Variants in ABTB2 observed in about 807,000 individuals in gnomAD.
The protein encoded by ABTB2 is ankyrin repeat and BTB/POZ domain-containing protein 2.
ABTB2 carries 56 observed loss-of-function variants against 104.1 expected under a neutral mutation model. The observed-to-expected ratio is 0.54, with a 90% CI of 0.43 to 0.67. The LOEUF is 0.67. ABTB2 is among the 30% of genes least tolerant of loss of function. The probability of loss-of-function intolerance (pLI) is 0.00; values close to 1 mark genes in which losing one functional copy is unlikely to be tolerated. For missense variants in ABTB2, 1,279 were observed against 1,407.7 expected, an observed-to-expected ratio of 0.91 and a Z score of 1.46; for synonymous variants, 606 against 608.2, an observed-to-expected ratio of 1.00 and a Z score of 0.05.
chr11:34,314,820 A>T (rs1011470698), intron 1 of ABTB2, among the ~76,000 whole-genome samples: 1 of 152,210 alleles, frequency 6.6e-6, no homozygotes, highest in Non-Finnish European at 1.5e-5. Flanking sequence ...CATTAAGCCA[A>T]GTGTGGAGCC....
chr11:34,183,126 G>A (rs1352560085), intron 3 of ABTB2, among the ~76,000 whole-genome samples: 5 of 152,058 alleles, frequency 3.3e-5, no homozygotes, highest in Non-Finnish European at 7.4e-5. Flanking sequence ...TTGAGTCAGG[G>A]TCTTGCTCTG....
chr11:34,247,215 T>C (rs1258727382), intron 1 of ABTB2, among the ~76,000 whole-genome samples: 1 of 152,208 alleles, frequency 6.6e-6, no homozygotes, highest in Non-Finnish European at 1.5e-5. Flanking sequence ...TGTTGGCTGG[T>C]GGAGCCACCG....
Position 34,154,457 on chromosome 11 carries a change from A to AGTGCCGT in ABTB2, c.2767-86_2767-80dup, listed in dbSNP as rs1852592437. Reference sequence around the variant, plus strand: ...GACAGCACCGAACAGAAAGCTCCCGAGTGCCGTGTGCCCTGCTGCCTCCAC... The same window carrying AGTGCCGT: ...GACAGCACCGAACAGAAAGCTCCCGAGTGCCGTGTGCCGTGTGCCCTGCTGCCTCCAC... On this transcript the variant is annotated intron_variant, in intron 15 of 16. Coordinates refer to ENST00000435224, the MANE Select transcript of ABTB2 (RefSeq NM_145804.3). This position sits in a 1 kb window ranked among gnomAD's most constrained non-coding sequence, Gnocchi z 4.9. 2.8e-6 allele frequency: 3 copies of AGTGCCGT among 1,090,032 alleles called. No individual in the cohort carries two copies. Among genetic ancestry groups the AGTGCCGT allele is most frequent in the Non-Finnish European group, 4.1e-6 (3 of 736,506 alleles). 67.5% of individuals were successfully genotyped at this position (1,090,032 alleles called of 1,614,324 possible). A position where few individuals can be genotyped will look rare whatever the true frequency, so the allele number is the denominator to read the frequency against.
At chr11:34,203,387 A>G (rs987631807) in intron 2 of ABTB2, among the ~76,000 whole-genome samples, 1 of 152,200 alleles carries the variant, frequency 6.6e-6, no homozygotes, top group Non-Finnish European at 1.5e-5. Flanking sequence ...TCTCCAGTGG[A>G]CCAGGGGCTG....
intron 3 of ABTB2, among the ~76,000 whole-genome samples, chr11:34,178,160 T>G (rs1005115885): frequency 2.0e-5 from 3 of 149,524 alleles, no homozygotes; most frequent in Non-Finnish European, 4.4e-5. Context: ...CCTCTTTCAA[T>G]ATACAGAAAT....
intron 1 of ABTB2, among the ~76,000 whole-genome samples, chr11:34,310,108 G>A (rs1343125106): frequency 2.0e-5 from 3 of 152,160 alleles, no homozygotes; most frequent in Non-Finnish European, 4.4e-5. Context: ...AGCACAGTAT[G>A]TATGTCTCCT....
chr11:34,162,415 A>AG (rs1321260984), intron 10 of ABTB2, among the ~76,000 whole-genome samples, 161 bp downstream of exon 10: 2 of 152,070 alleles, frequency 1.3e-5, no homozygotes, highest in Admixed American at 6.5e-5. Flanking sequence ...GCCGTGTAGC[A>AG]GGGGGGTCCC....
chr11:34,185,498 G>A (rs78284918), intron 3 of ABTB2, among the ~76,000 whole-genome samples: 202 of 152,310 alleles, frequency 1.3e-3, no homozygotes, highest in African/African-American at 4.6e-3. Flanking sequence ...GTGTGAGGTT[G>A]CATATGTTAC....
At chr11:34,263,851 C>T (rs1004738762) in intron 1 of ABTB2, among the ~76,000 whole-genome samples, 2 of 152,162 alleles carry the variant, frequency 1.3e-5, no homozygotes, top group African/African-American at 4.8e-5. Flanking sequence ...CAGGCCCGAC[C>T]CCAGTCCCCC....
chr11:34,172,135 G>A (rs753676128), intron 4 of ABTB2, among the ~76,000 whole-genome samples: 1 of 151,962 alleles, frequency 6.6e-6, no homozygotes, highest in African/African-American at 2.4e-5. Flanking sequence ...CACTTTGGGA[G>A]GCCAAGGTGG....
At chr11:34,204,494 A>G (rs2955944) in intron 2 of ABTB2, 50 bp downstream of exon 2, 1,499,383 of 1,511,554 alleles carry the variant, frequency 0.99, 744,433 homozygotes, top group East Asian at 1. Flanking sequence ...CCCAGCCCTG[A>G]GACCTCGCCG....
chr11:34,198,594 G>A (rs1047383171), intron 2 of ABTB2, among the ~76,000 whole-genome samples: 1 of 152,178 alleles, frequency 6.6e-6, no homozygotes, highest in Admixed American at 6.5e-5. Flanking sequence ...TGGTAGTCTA[G>A]ACTTGAATTC....
At chr11:34,156,307 C>T (rs574608905) in intron 14 of ABTB2, among the ~76,000 whole-genome samples, 94 of 152,318 alleles carry the variant, frequency 6.2e-4, no homozygotes, top group African/African-American at 2.2e-3. Flanking sequence ...GAATTTTGCA[C>T]AGCCTGGCAG....
intron 1 of ABTB2, among the ~76,000 whole-genome samples, chr11:34,327,144 C>T (rs1354393339): frequency 6.6e-6 from 1 of 152,130 alleles, no homozygotes; most frequent in African/African-American, 2.4e-5. Context: ...AACAACAAAA[C>T]ATGACTATTT....
Position 34,310,782 on chromosome 11 carries a change from T to C in ABTB2, c.883+45919A>G, listed in dbSNP as rs116364004. On this transcript the variant is annotated intron_variant, in intron 1 of 16. Coordinates refer to ENST00000435224, the MANE Select transcript of ABTB2 (RefSeq NM_145804.3). ...GGTGGACTGCATGGAGGTTATGCTCTTTAATGTGCGTCTCCTTCATTAATC... is the reference window on the plus strand; with the variant it reads ...GGTGGACTGCATGGAGGTTATGCTCCTTAATGTGCGTCTCCTTCATTAATC... Among the ~76,000 whole-genome samples the C allele has an allele frequency of 5.6e-3, 860 of 152,292 alleles. 10 individuals carry two copies. The highest frequency in any genetic ancestry group is 0.02 in the African/African-American group (827 of 41,566).
At chr11:34,231,678 C>T (rs11032568) in intron 1 of ABTB2, among the ~76,000 whole-genome samples, 41,386 of 152,086 alleles carry the variant, frequency 0.27, 6,055 homozygotes, top group Non-Finnish European at 0.34. Flanking sequence ...TCAAGCGATT[C>T]TCCTGCCTCA....
chr11:34,171,742 T>G (rs1208182018), intron 4 of ABTB2, among the ~76,000 whole-genome samples: 2 of 151,906 alleles, frequency 1.3e-5, no homozygotes, highest in Non-Finnish European at 2.9e-5. Flanking sequence ...ACTGTTTGTG[T>G]TGAGCAGGCT....
chr11:34,157,866 CCTT>C, intron 14 of ABTB2, among the ~76,000 whole-genome samples: 1 of 152,362 alleles, frequency 6.6e-6, no homozygotes, highest in East Asian at 1.9e-4. Flanking sequence ...CCCTTCCATC[CCTT>C]CTTACCGCTG....
chr11:34,357,358 G>T lies in ABTB2; in HGVS notation c.226C>A (p.Pro76Thr), dbSNP rs964562621. The T allele has an allele frequency of 1.3e-6, 2 of 1,535,800 alleles. No individual in the cohort carries two copies. Among genetic ancestry groups the T allele is most frequent in the Non-Finnish European group, 1.8e-6 (2 of 1,136,942 alleles). The change falls in exon 1 of 17, where the codon CCC becomes ACC. Residue 76 changes from proline to threonine, a missense_variant. Transcript: ENST00000435224. ...NSWDTVNTVL[P>T]EDPEVADLFS... ...AGGTCGGCCACTTCGGGGTCCTCGG[G>T]CAGCACCGTGTTCACCGTGTCCCAG... is the stretch of plus-strand genomic sequence containing the variant.
Sources: gnomAD v4.1 joint callset for allele counts (sites outside exome capture counted in the v4.1 genomes callset) on GRCh38, gnomAD v4.1.1 for gene constraint, Gnocchi (gnomAD v3.1) non-coding constraint, MANE v1.5 for transcripts, NCBI Gene and HGNC (gene_info 2026-07-23, HGNC 2026-07-21) for gene names.